Variants in CDK19 observed in about 807,000 individuals in gnomAD.
CDK19 encodes cyclin-dependent kinase 19.
CDK19 carries 20 observed loss-of-function variants against 68.3 expected under a neutral mutation model. That is an observed-to-expected ratio of 0.29 (90% CI 0.21 to 0.43). The LOEUF (loss-of-function observed/expected upper bound fraction) is 0.43, where lower values mean the gene tolerates loss of function less well. Ranked by LOEUF, CDK19 falls within the 20% of genes least tolerant of loss-of-function variation. The pLI is 1.00. For missense variants in CDK19, 339 were observed against 623.5 expected (o/e 0.54, Z 4.86); for synonymous variants, 221 against 222.8 (o/e 0.99, Z 0.07).
chr6:110,814,011 G>C (rs1314481313), intron 1 of CDK19: 1 of 152,872 alleles, frequency 6.5e-6, no homozygotes, highest in Non-Finnish European at 1.5e-5. Flanking sequence ...TGTAGCTGCT[G>C]TCTGCCCTCC....
chr6:110,738,060 G>C (rs1325017277), intron 2 of CDK19, among the ~76,000 whole-genome samples: 2 of 152,034 alleles, frequency 1.3e-5, no homozygotes, highest in Non-Finnish European at 2.9e-5. Context: ...TTTCTACTTT[G>C]AGTGTTTTTT....
intron 4 of CDK19, among the ~76,000 whole-genome samples, chr6:110,653,444 A>C (rs1781103896): frequency 6.6e-6 from 1 of 152,200 alleles, no homozygotes; most frequent in South Asian, 2.1e-4. Context: ...GGATACCAAA[A>C]TTGTTCTGAC....
intron 1 of CDK19, among the ~76,000 whole-genome samples, chr6:110,805,481 A>G (rs548007572): frequency 6.6e-6 from 1 of 152,106 alleles, no homozygotes; most frequent in East Asian, 1.9e-4. Context: ...AATTTTTCAA[A>G]ACAAATAGAT....
intron 2 of CDK19, among the ~76,000 whole-genome samples, chr6:110,739,401 T>C (rs1344025657): frequency 1.3e-5 from 2 of 152,172 alleles, no homozygotes; most frequent in Non-Finnish European, 2.9e-5. Context: ...GAATGGGCCT[T>C]GATCCTGGAC....
At chr6:110,808,169 T>C (rs1210742066) in intron 1 of CDK19, among the ~76,000 whole-genome samples, 3 of 152,210 alleles carry the variant, frequency 2.0e-5, no homozygotes, top group Non-Finnish European at 4.4e-5. Context: ...CCAAAGACTC[T>C]AAACCTACAC....
At chr6:110,789,978 T>C (rs963238875) in intron 1 of CDK19, among the ~76,000 whole-genome samples, 1 of 152,224 alleles carries the variant, frequency 6.6e-6, no homozygotes, top group Non-Finnish European at 1.5e-5. Context: ...GTAGTTCTCA[T>C]TATCTTTATA....
At chr6:110,783,775 G>GA (rs1220622174) in intron 1 of CDK19, among the ~76,000 whole-genome samples, 2 of 151,326 alleles carry the variant, frequency 1.3e-5, no homozygotes, top group Non-Finnish European at 2.9e-5. Context: ...AGCAACAAAA[G>GA]AAAAAAAAGA....
At chr6:110,774,848 C>A (rs1305328336) in intron 1 of CDK19, among the ~76,000 whole-genome samples, 3 of 152,142 alleles carry the variant, frequency 2.0e-5, no homozygotes, top group Admixed American at 2.0e-4. Context: ...ACTTGGGAGG[C>A]TGAGGTGGGA....
At chr6:110,713,520 T>A (rs1361814781) in intron 2 of CDK19, among the ~76,000 whole-genome samples, 3 of 151,504 alleles carry the variant, frequency 2.0e-5, no homozygotes, top group African/African-American at 7.3e-5. Flanking sequence ...GATCCTCTTG[T>A]CTCAGCCTCC....
chr6:110,664,430 T>C (rs1449299353), intron 4 of CDK19, among the ~76,000 whole-genome samples: 2 of 152,224 alleles, frequency 1.3e-5, no homozygotes, highest in African/African-American at 4.8e-5. Context: ...TAATTGTTTG[T>C]GTGTATGTCA....
intron 1 of CDK19, among the ~76,000 whole-genome samples, chr6:110,767,935 A>G (rs1004299680): frequency 6.6e-6 from 1 of 152,232 alleles, no homozygotes; most frequent in Non-Finnish European, 1.5e-5. Flanking sequence ...ATTGCAAAAC[A>G]AATATCTGAT....
chr6:110,666,561 A>C (rs924255713), intron 4 of CDK19, among the ~76,000 whole-genome samples: 8 of 151,964 alleles, frequency 5.3e-5, no homozygotes, highest in African/African-American at 1.9e-4. Flanking sequence ...AAGTCAGATG[A>C]GTAGCCCTGA....
intron 4 of CDK19, among the ~76,000 whole-genome samples, chr6:110,656,873 G>A (rs912428872): frequency 6.6e-6 from 1 of 152,168 alleles, no homozygotes; most frequent in African/African-American, 2.4e-5. Flanking sequence ...GTATAATCGC[G>A]ATATATTCCA....
chr6:110,814,837 G>T, intron 1 of CDK19, 172 bp downstream of exon 1: 1 of 841,054 alleles, frequency 1.2e-6, no homozygotes, highest in Admixed American at 2.2e-5. Flanking sequence ...GGCCGCGCGG[G>T]GGAGGCGGGC....
intron 2 of CDK19, among the ~76,000 whole-genome samples, chr6:110,722,785 G>C (rs1339332229): frequency 6.6e-6 from 1 of 151,852 alleles, no homozygotes; most frequent in African/African-American, 2.4e-5. Context: ...AGGATCACCT[G>C]AGTCTGGGGA....
intron 1 of CDK19, among the ~76,000 whole-genome samples, chr6:110,766,447 A>C (rs1779591355): frequency 6.6e-6 from 1 of 152,038 alleles, no homozygotes; most frequent in Non-Finnish European, 1.5e-5. Flanking sequence ...GTGTGGTGGC[A>C]GGCCCCTGTA....
intron 2 of CDK19, among the ~76,000 whole-genome samples, chr6:110,717,985 G>A (rs1238641044): frequency 1.3e-5 from 2 of 152,150 alleles, no homozygotes; most frequent in Admixed American, 6.5e-5. Context: ...ACAGAGATTA[G>A]TGCCTTTGTA....
chr6:110,806,149 G>T (rs768876650), intron 1 of CDK19, among the ~76,000 whole-genome samples: 1 of 151,824 alleles, frequency 6.6e-6, no homozygotes, highest in Non-Finnish European at 1.5e-5. Context: ...AGACCAGCCC[G>T]GCCAACATGA....
At chr6:110,803,024 C>T (rs1483484466) in intron 1 of CDK19, among the ~76,000 whole-genome samples, 1 of 151,898 alleles carries the variant, frequency 6.6e-6, no homozygotes, top group African/African-American at 2.4e-5. Flanking sequence ...CACTGGTTAC[C>T]TCTGAGATGT....
Sources: gnomAD v4.1 joint callset for allele counts (sites outside exome capture counted in the v4.1 genomes callset) on GRCh38, gnomAD v4.1.1 for gene constraint, MANE v1.5 for transcripts, NCBI Gene and HGNC (gene_info 2026-07-23, HGNC 2026-07-21) for gene names.